The following DNAJB14 variants were observed in gnomAD, a reference collection of about 807,000 sequenced individuals.
DNAJB14 encodes the protein DnaJ heat shock protein family (Hsp40) member B14.
In DNAJB14, 22 loss-of-function variants were observed where a neutral mutation model predicts 48.4. The observed-to-expected ratio is 0.45, with a 90% CI of 0.32 to 0.65. The LOEUF (loss-of-function observed/expected upper bound fraction) is 0.65, where lower values mean the gene tolerates loss of function less well. Ranked by LOEUF, DNAJB14 falls within the 30% of genes least tolerant of loss-of-function variation. DNAJB14 has a pLI of 0.03. For missense variants in DNAJB14, 319 were observed against 458.8 expected (o/e 0.70, Z 2.78); for synonymous variants, 142 against 158.7 (o/e 0.89, Z 0.79).
chr4:99,920,657 G>A (rs184500897), intron 3 of DNAJB14, among the ~76,000 whole-genome samples: 1 of 152,074 alleles, frequency 6.6e-6, no homozygotes, highest in Admixed American at 6.5e-5. Flanking sequence ...TCCCCTCTTG[G>A]GAAACATATA....
At chr4:99,912,533 G>A (rs1016088721) in intron 3 of DNAJB14, among the ~76,000 whole-genome samples, 7 of 151,586 alleles carry the variant, frequency 4.6e-5, no homozygotes, top group African/African-American at 7.3e-5. Flanking sequence ...TGGCTGGAGC[G>A]CAACGGCGCG....
chr4:99,902,728 C>T lies in DNAJB14; in HGVS notation c.1015+998G>A, dbSNP rs1220149931. On this transcript the variant is annotated intron_variant, in intron 7 of 7. Transcript: ENST00000442697. ...ATAAAGTTGGTTATTTCTGAGAAGA[C>T]GTTGGAGCACAGGGCCTGGATTCTA... is the stretch of plus-strand genomic sequence containing the variant. 5.3e-5 allele frequency among the ~76,000 whole-genome samples: 8 copies of T among 152,112 alleles called. No homozygotes were observed. In the East Asian group the frequency reaches 5.8e-4, roughly 11 times the overall value.
intron 6 of DNAJB14, 62 bp downstream of exon 6, chr4:99,905,535 A>C (rs1334135639): frequency 7.6e-7 from 1 of 1,313,428 alleles, no homozygotes; most frequent in Non-Finnish European, 1.1e-6. Flanking sequence ...AAGCTCTTTA[A>C]AGGAAGCTAG....
At position 99,899,554 on chromosome 4, in the gene DNAJB14, C is replaced by A. The variant is rs1725227820; in HGVS notation, c.*1474G>T. 1 of 151,968 alleles carries A rather than the reference C, an allele frequency of 6.6e-6. No homozygotes were observed. The highest frequency in any genetic ancestry group is 6.6e-5 in the Admixed American group (1 of 15,212). 9.4% of individuals were successfully genotyped at this position (151,968 alleles called of 1,614,324 possible). On this transcript the variant is annotated 3_prime_UTR_variant, in exon 8 of 8. Coordinates refer to ENST00000442697, the MANE Select transcript of DNAJB14 (RefSeq NM_001031723.4). ...ATACAACAGAACATTTTTAAGAGGT[C>A]ATTTTAGCAGTTTTATTCAACAGAT...
intron 2 of DNAJB14, 92 bp from the exon 3 acceptor site, chr4:99,923,277 AC>A: frequency 8.6e-7 from 1 of 1,156,560 alleles, no homozygotes; most frequent in East Asian, 2.7e-5. Flanking sequence ...ACTATAAAGA[AC>A]TATCTGTGGA....
intron 1 of DNAJB14, among the ~76,000 whole-genome samples, chr4:99,941,646 C>T (rs1578241599): frequency 6.6e-6 from 1 of 152,098 alleles, no homozygotes; most frequent in African/African-American, 2.4e-5. Flanking sequence ...TCTTACTATC[C>T]ACTGAATTCC....
chr4:99,945,338 G>A (rs779254746), intron 1 of DNAJB14, among the ~76,000 whole-genome samples: 3 of 152,122 alleles, frequency 2.0e-5, no homozygotes, highest in Non-Finnish European at 2.9e-5. Flanking sequence ...CTTCAACGAC[G>A]TAGAGAAAAA....
rs1726424661 is a variant in DNAJB14, at chr4:99,930,510, G to A, written c.245C>T (p.Thr82Ile). Residue 82 changes from threonine to isoleucine, a missense_variant, in exon 2 of 8, where the codon ACA becomes ATA. By Grantham distance (89) the Thr-to-Ile change is moderately conservative. Transcript: ENST00000442697. Reference sequence around the variant, plus strand: ...TTTTCCACCTTCACCACTACCAGATGTGCTGTCCTTTGTGCAATTAGGCTT... The same window carrying A: ...TTTTCCACCTTCACCACTACCAGATATGCTGTCCTTTGTGCAATTAGGCTT... ...QSKPNCTKDS[T>I]SGSGEGGKGY... 1.2e-6 allele frequency: 2 copies of A among 1,612,520 alleles called. No homozygotes were observed. Among genetic ancestry groups the A allele is most frequent in the East Asian group, 2.2e-5 (1 of 44,806 alleles).
chr4:99,933,985 C>T, intron 1 of DNAJB14, among the ~76,000 whole-genome samples: 1 of 152,050 alleles, frequency 6.6e-6, no homozygotes, highest in East Asian at 1.9e-4. Context: ...TGAGTTTTGC[C>T]TACTACAATA....
chr4:99,940,738 A>T (rs933044062), intron 1 of DNAJB14, among the ~76,000 whole-genome samples: 1 of 151,432 alleles, frequency 6.6e-6, no homozygotes, highest in East Asian at 2.0e-4. Flanking sequence ...TTATTAAATT[A>T]AAAAAATATA....
intron 3 of DNAJB14, chr4:99,910,319 T>G (rs1312797971): frequency 6.6e-6 from 1 of 151,988 alleles, no homozygotes; most frequent in African/African-American, 2.4e-5. Context: ...AAAGGGAAAG[T>G]ATAATCAAAG....
intron 6 of DNAJB14, among the ~76,000 whole-genome samples, chr4:99,905,102 T>C (rs1223309373): frequency 6.6e-6 from 1 of 152,092 alleles, no homozygotes; most frequent in African/African-American, 2.4e-5. Context: ...TTGTCTAGAT[T>C]GCATGCTGTA....
At chr4:99,946,340 G>A in intron 1 of DNAJB14, 99 bp downstream of exon 1, 2 of 1,521,404 alleles carry the variant, frequency 1.3e-6, no homozygotes, top group Non-Finnish European at 8.8e-7. Flanking sequence ...ACAGGCCGGG[G>A]GCCCCGCAGG....
intron 6 of DNAJB14, among the ~76,000 whole-genome samples, chr4:99,904,121 T>C (rs1725387652): frequency 6.6e-6 from 1 of 152,132 alleles, no homozygotes. Flanking sequence ...GCTGACCTCA[T>C]GTGATGGGTC....
chr4:99,945,980 T>C (rs1235507729), intron 1 of DNAJB14, among the ~76,000 whole-genome samples: 1 of 152,222 alleles, frequency 6.6e-6, no homozygotes, highest in Non-Finnish European at 1.5e-5. Flanking sequence ...AACAGTTTTC[T>C]ACAGATCTCA....
intron 3 of DNAJB14, among the ~76,000 whole-genome samples, chr4:99,917,442 G>C (rs893896640): frequency 6.6e-6 from 1 of 152,164 alleles, no homozygotes; most frequent in Admixed American, 6.5e-5. Context: ...TTCACAAATG[G>C]TTCCTTCTAG....
intron 3 of DNAJB14, among the ~76,000 whole-genome samples, chr4:99,921,423 C>T (rs570133551): frequency 1.8e-4 from 28 of 152,226 alleles, no homozygotes; most frequent in African/African-American, 6.7e-4. Flanking sequence ...ATGTTGCTAA[C>T]CTATTCAAAA....
At position 99,901,162 on chromosome 4, in the gene DNAJB14, A is replaced by G. The variant is rs773350477; in HGVS notation, c.1016-10T>C. 4 of 1,576,150 alleles carry G rather than the reference A, an allele frequency of 2.5e-6. No homozygotes were observed. Among genetic ancestry groups the G allele is most frequent in the Non-Finnish European group, 3.4e-6 (4 of 1,166,152 alleles). On this transcript the variant is annotated splice_polypyrimidine_tract_variant and intron_variant, in intron 7 of 7. Transcript: ENST00000442697. ...TACTGCATATCTGTTTCTGTTAATA[A>G]AGAAAAATATTTTGCTAATTGAATA...
chr4:99,910,444 A>G (rs1184838183), intron 3 of DNAJB14: 1 of 152,078 alleles, frequency 6.6e-6, no homozygotes, highest in African/African-American at 2.4e-5. Context: ...CAATTTTAGG[A>G]TTTAACATCT....
Sources: allele counts gnomAD v4.1 joint callset (sites outside exome capture counted in the v4.1 genomes callset), GRCh38; gene constraint gnomAD v4.1.1; transcripts MANE v1.5; gene names NCBI Gene and HGNC (gene_info 2026-07-23, HGNC 2026-07-21).